The following PTPRD variants were observed in gnomAD, a reference collection of about 807,000 sequenced individuals.
PTPRD encodes the protein receptor-type tyrosine-protein phosphatase delta.
Under a neutral mutation model 214.5 loss-of-function variants are expected in PTPRD, and 34 were observed. The ratio of observed to expected loss-of-function variants is 0.16; its 90% CI spans 0.12 to 0.21. PTPRD has a LOEUF of 0.21. PTPRD is among the 10% of genes least tolerant of loss of function. The pLI, the probability that PTPRD is intolerant of heterozygous loss-of-function variation, is 1.00. For synonymous variants in PTPRD, 1,128 were observed against 845.7 expected (o/e 1.33, Z -5.79); for missense variants, 2,545 against 2,398.7 (o/e 1.06, Z -1.27).
chr9:9,559,127 C>G (rs1479167247), intron 8 of PTPRD, among the ~76,000 whole-genome samples: 1 of 152,138 alleles, frequency 6.6e-6, no homozygotes, highest in African/African-American at 2.4e-5. Context: ...TCTTATGAGC[C>G]TAGAGGGCAG....
At chr9:8,600,932 C>A (rs771188294) in intron 14 of PTPRD, among the ~76,000 whole-genome samples, 1 of 151,960 alleles carries the variant, frequency 6.6e-6, no homozygotes, top group Non-Finnish European at 1.5e-5. Flanking sequence ...ACCAGCTCAG[C>A]CATAGTGGGG....
chr9:10,091,124 T>A (rs1328323882), intron 3 of PTPRD, among the ~76,000 whole-genome samples: 1 of 151,422 alleles, frequency 6.6e-6, no homozygotes, highest in Non-Finnish European at 1.5e-5. Flanking sequence ...TGAGCAATTT[T>A]AAAAATGCAT....
At chr9:8,416,236 G>GAA (rs1457821918) in intron 35 of PTPRD, among the ~76,000 whole-genome samples, 1 of 151,898 alleles carries the variant, frequency 6.6e-6, no homozygotes, top group African/African-American at 2.4e-5. Context: ...TACTGTTAAA[G>GAA]AAAAAACATG....
intron 10 of PTPRD, among the ~76,000 whole-genome samples, chr9:9,115,197 C>G (rs1035459477): frequency 1.3e-4 from 20 of 152,158 alleles, no homozygotes; most frequent in African/African-American, 4.1e-4. Context: ...AAGAAGGAAG[C>G]CTACAGGGCA....
intron 10 of PTPRD, among the ~76,000 whole-genome samples, chr9:9,022,193 G>C (rs2099572340): frequency 6.6e-6 from 1 of 151,944 alleles, no homozygotes. Flanking sequence ...GTAAGCTAAG[G>C]TTAACTGATT....
At chr9:9,831,590 A>G (rs1413881290) in intron 5 of PTPRD, among the ~76,000 whole-genome samples, 3 of 152,020 alleles carry the variant, frequency 2.0e-5, no homozygotes, top group African/African-American at 7.2e-5. Context: ...GACTTGCAAC[A>G]GAAAGTCAGT....
In PTPRD at chr9:8,653,484, C is replaced by T. The variant is rs372014350; in HGVS notation, c.65-16640G>A. Among the ~76,000 whole-genome samples, 29 of 152,286 alleles carry T rather than the reference C, an allele frequency of 1.9e-4. No individual in the cohort carries two copies. The South Asian group carries it at 6.0e-3, about 32-fold the overall frequency. ...TTCCAAACAGTCAAACAGCTCCCAC[C>T]AGTGGTCCTGAACCCTTTAGTATAT... On this transcript the variant is annotated intron_variant, in intron 12 of 45. Transcript: ENST00000381196.
Position 8,528,708 on chromosome 9 carries a change from T to C in PTPRD, c.424A>G (p.Thr142Ala). The change falls in exon 15 of 46, where the codon ACG (threonine) becomes GCG (alanine). Residue 142 changes from threonine (T) to alanine (A), a missense_variant. By Grantham distance (58) the Thr-to-Ala change is moderately conservative. Transcript: ENST00000381196. ...PQLKVVERTR[T>A]ATMLCAASGN... ...CTGGCTGCACAAAGCATGGTGGCCG[T>C]GCGAGTACGCTCAACCACCTTCAAC... The C allele has an allele frequency of 6.2e-7, 1 of 1,613,630 alleles. No homozygotes were observed. The highest frequency in any genetic ancestry group is 8.5e-7 in the Non-Finnish European group (1 of 1,179,716).
chr9:8,391,148 T>G (rs534665159), intron 36 of PTPRD, among the ~76,000 whole-genome samples: 129 of 152,200 alleles, frequency 8.5e-4, no homozygotes, highest in African/African-American at 3.0e-3. Flanking sequence ...CATTTTTTTT[T>G]TCTTTATAAT....
Position 9,685,012 on chromosome 9 carries a change from C to G in PTPRD, c.-287+49521G>C, listed in dbSNP as rs544516996. Among the ~76,000 whole-genome samples the G allele has an allele frequency of 7.9e-5, 12 of 151,638 alleles. No individual in the cohort carries two copies. In the South Asian group the frequency reaches 1.0e-3, roughly 13 times the overall value. On this transcript the variant is annotated intron_variant, in intron 7 of 45. Coordinates refer to ENST00000381196, the MANE Select transcript of PTPRD (RefSeq NM_002839.4). ...GCCTGAAGCCCATGTCCTTAGAACACAGTCAGCACTTAAGAATTATTATCT... is the reference window on the plus strand; with the variant it reads ...GCCTGAAGCCCATGTCCTTAGAACAGAGTCAGCACTTAAGAATTATTATCT...
intron 5 of PTPRD, among the ~76,000 whole-genome samples, chr9:9,779,430 G>T (rs915215081): frequency 6.6e-6 from 1 of 152,144 alleles, no homozygotes; most frequent in African/African-American, 2.4e-5. Context: ...TGCAGAATGG[G>T]AGGAAATATT....
At chr9:10,012,098 C>T (rs2096612582) in intron 4 of PTPRD, among the ~76,000 whole-genome samples, 1 of 151,830 alleles carries the variant, frequency 6.6e-6, no homozygotes, top group Non-Finnish European at 1.5e-5. Flanking sequence ...TAAGAATTCC[C>T]TTCATCAAAT....
At chr9:9,281,252 G>C (rs1283573610) in intron 9 of PTPRD, among the ~76,000 whole-genome samples, 2 of 151,088 alleles carry the variant, frequency 1.3e-5, no homozygotes, top group African/African-American at 4.8e-5. Context: ...ATAATTGATA[G>C]TCTGGGCCTC....
At chr9:10,060,950 TTCTC>T (rs1217022209) in intron 3 of PTPRD, among the ~76,000 whole-genome samples, 5 of 132,580 alleles carry the variant, frequency 3.8e-5, no homozygotes, top group East Asian at 4.3e-4. Flanking sequence ...CTTTCTTTCT[TTCTC>T]TCTCTTCCTT....
intron 9 of PTPRD, among the ~76,000 whole-genome samples, chr9:9,236,801 T>A (rs184991066): frequency 6.6e-6 from 1 of 151,886 alleles, no homozygotes; most frequent in Non-Finnish European, 1.5e-5. Flanking sequence ...CCAAAGAAAA[T>A]GGCCAGAGAG....
At chr9:10,579,552 T>C (rs772346812) in intron 2 of PTPRD, among the ~76,000 whole-genome samples, 5 of 152,196 alleles carry the variant, frequency 3.3e-5, no homozygotes, top group Non-Finnish European at 4.4e-5. Context: ...GTCTTTTCTA[T>C]TGTCAGTAGT....
At chr9:8,594,860 C>CTTT (rs55766168) in intron 14 of PTPRD, among the ~76,000 whole-genome samples, 7 of 130,580 alleles carry the variant, frequency 5.4e-5, no homozygotes, top group Non-Finnish European at 8.0e-5. Context: ...TGTTTAACCC[C>CTTT]TTTTTTTTTT....
chr9:9,410,691 T>C (rs377474164), intron 8 of PTPRD, among the ~76,000 whole-genome samples: 2 of 152,194 alleles, frequency 1.3e-5, no homozygotes, highest in East Asian at 3.9e-4. Context: ...GCAACCATGA[T>C]GCTGGTTCAT....
At chr9:9,024,825 G>T (rs1053186168) in intron 10 of PTPRD, among the ~76,000 whole-genome samples, 11 of 151,688 alleles carry the variant, frequency 7.3e-5, no homozygotes, top group Admixed American at 7.2e-4. Context: ...TAAACATAAA[G>T]ATTTGATTTA....
Sources: gnomAD v4.1 joint callset for allele counts (sites outside exome capture counted in the v4.1 genomes callset) on GRCh38, gnomAD v4.1.1 for gene constraint, MANE v1.5 for transcripts, NCBI Gene and HGNC (gene_info 2026-07-23, HGNC 2026-07-21) for gene names.